Variants in BMPR2 observed in about 807,000 individuals in gnomAD.
The protein encoded by BMPR2 is bone morphogenetic protein receptor type 2.
In BMPR2, 29 loss-of-function variants were observed where a neutral mutation model predicts 100.8. That is an observed-to-expected ratio of 0.29 (90% CI 0.21 to 0.39). The LOEUF (loss-of-function observed/expected upper bound fraction) is 0.39, where lower values mean the gene tolerates loss of function less well. Ranked by LOEUF, BMPR2 falls within the 10% of genes least tolerant of loss-of-function variation. The probability of loss-of-function intolerance (pLI) is 1.00; values close to 1 mark genes in which losing one functional copy is unlikely to be tolerated. For synonymous variants in BMPR2, 382 were observed against 442.3 expected (o/e 0.86, Z 1.71); for missense variants, 1,011 against 1,274.5 (o/e 0.79, Z 3.15).
chr2:202,527,086 A>G (rs1226787842), intron 7 of BMPR2, among the ~76,000 whole-genome samples: 1 of 151,774 alleles, frequency 6.6e-6, no homozygotes, highest in Non-Finnish European at 1.5e-5. Context: ...GTGGTCTCAA[A>G]CTCCTGACCT....
At chr2:202,462,630 CTT>C (rs71952440) in intron 1 of BMPR2, among the ~76,000 whole-genome samples, 1 of 142,914 alleles carries the variant, frequency 7.0e-6, no homozygotes, top group Non-Finnish European at 1.5e-5. Flanking sequence ...CACCCCGTAC[CTT>C]TTTTTTTTTT....
At chr2:202,553,967 C>T (rs373950676) in intron 11 of BMPR2, among the ~76,000 whole-genome samples, 6 of 152,134 alleles carry the variant, frequency 3.9e-5, no homozygotes, top group East Asian at 1.9e-4. Flanking sequence ...GGATTATAGG[C>T]GACAGGTGTG....
At position 202,491,804 on chromosome 2, in the gene BMPR2, C is replaced by G. The variant is rs759660185; in HGVS notation, c.419-21915C>G. On this transcript the variant is annotated intron_variant, in intron 3 of 12. Transcript: ENST00000374580. Reference sequence around the variant, plus strand: ...GGATGTACAGCCTATTTGTCTGCTTCATTTAAAATTCTTCTCTTAGCAACA... The same window carrying G: ...GGATGTACAGCCTATTTGTCTGCTTGATTTAAAATTCTTCTCTTAGCAACA... 8.4e-4 allele frequency among the ~76,000 whole-genome samples: 128 copies of G among 152,270 alleles called. 1 individual carries two copies. The highest frequency in any genetic ancestry group is 1.3e-3 in the Non-Finnish European group (89 of 68,012).
chr2:202,392,271 A>G (rs1340227570), intron 1 of BMPR2, among the ~76,000 whole-genome samples: 1 of 151,578 alleles, frequency 6.6e-6, no homozygotes, highest in East Asian at 1.9e-4. Context: ...GGGTTTCACC[A>G]TGTTGTCCAG....
At chr2:202,427,645 T>C (rs1691416231) in intron 1 of BMPR2, among the ~76,000 whole-genome samples, 1 of 152,154 alleles carries the variant, frequency 6.6e-6, no homozygotes, top group Non-Finnish European at 1.5e-5. Context: ...ATTTCTCTAG[T>C]TAAGAATTGT....
At chr2:202,471,169 C>T (rs1021156992) in intron 3 of BMPR2, among the ~76,000 whole-genome samples, 2 of 152,154 alleles carry the variant, frequency 1.3e-5, no homozygotes, top group African/African-American at 4.8e-5. Context: ...AAATCTGGGT[C>T]AATTTGAGTG....
intron 3 of BMPR2, among the ~76,000 whole-genome samples, chr2:202,502,031 C>T (rs931713233): frequency 6.6e-6 from 1 of 152,228 alleles, no homozygotes; most frequent in Non-Finnish European, 1.5e-5. Context: ...AAGCAAGCCT[C>T]TTCCCCCAGG....
intron 1 of BMPR2, among the ~76,000 whole-genome samples, chr2:202,409,914 C>A (rs1690979572): frequency 6.6e-6 from 1 of 152,166 alleles, no homozygotes; most frequent in South Asian, 2.1e-4. Context: ...CTAACTCTCT[C>A]CACTGAGAGG....
chr2:202,388,399 A>G (rs998377260), intron 1 of BMPR2, among the ~76,000 whole-genome samples: 3 of 149,192 alleles, frequency 2.0e-5, no homozygotes, highest in Non-Finnish European at 4.5e-5. Context: ...TCCATCTCAA[A>G]AAAAAAAAAA....
At position 202,556,191 on chromosome 2, in the gene BMPR2, G is replaced by C; in HGVS notation, c.2526G>C (p.Arg842Ser). The C allele has an allele frequency of 6.2e-7, 1 of 1,611,462 alleles. No homozygotes were observed. Among genetic ancestry groups the C allele is most frequent in the South Asian group, 1.1e-5 (1 of 91,018 alleles). ...AAACAACCAACATAGTGACACATAG[G>C]GCCCAAGAAATGTTGCAGAATCAGT... ...SGQTTNIVTH[R>S]AQEMLQNQFI... The change falls in exon 12 of 13, where the codon AGG becomes AGC. Residue 842 changes from arginine to serine, a missense_variant. This residue lies in a region of BMPR2 where 508 missense variants were observed against 552.0 expected (regional missense o/e 0.92). Coordinates refer to ENST00000374580, the MANE Select transcript of BMPR2 (RefSeq NM_001204.7).
chr2:202,393,883 G>A (rs1421383589), intron 1 of BMPR2, among the ~76,000 whole-genome samples: 1 of 9,578 alleles, frequency 1.0e-4, no homozygotes. Context: ...ATGAGAGAGC[G>A]AGAGAGAGAG....
At position 202,514,900 on chromosome 2, in the gene BMPR2, A is replaced by G. The variant is rs1687686071; in HGVS notation, c.542A>G (p.Gln181Arg). The G allele has an allele frequency of 1.2e-6, 2 of 1,614,054 alleles. No individual in the cohort carries two copies. The highest frequency in any genetic ancestry group is 1.7e-6 in the Non-Finnish European group (2 of 1,179,926). Residue 181 changes from glutamine to arginine, a missense_variant, in exon 5 of 13, where the codon CAA becomes CGA. Transcript: ENST00000374580. ...GYRMLTGDRK[Q>R]GLHSMNMMEA... ...CCTGTTCTTATAGGAGACCGTAAAC[A>G]AGGTCTTCACAGTATGAACATGATG...
chr2:202,492,442 G>GT (rs778518610), intron 3 of BMPR2, among the ~76,000 whole-genome samples: 7 of 152,212 alleles, frequency 4.6e-5, no homozygotes, highest in Admixed American at 2.6e-4. Flanking sequence ...ACTCACGCTT[G>GT]TAATCCCAGC....
At chr2:202,530,084 A>C (rs577203002) in intron 7 of BMPR2, among the ~76,000 whole-genome samples, 15 of 152,296 alleles carry the variant, frequency 9.8e-5, no homozygotes, top group Non-Finnish European at 1.8e-4. Flanking sequence ...CTCTGTGCCA[A>C]GCCTTTTAAA....
chr2:202,391,711 G>C (rs888135049), intron 1 of BMPR2, among the ~76,000 whole-genome samples: 1 of 143,816 alleles, frequency 7.0e-6, no homozygotes, highest in Non-Finnish European at 1.5e-5. Context: ...TCAGCCCCCC[G>C]AGTAGCTGGG....
At chr2:202,389,799 G>A (rs1040712780) in intron 1 of BMPR2, among the ~76,000 whole-genome samples, 3 of 151,490 alleles carry the variant, frequency 2.0e-5, no homozygotes, top group African/African-American at 7.3e-5. Flanking sequence ...GTGCCACCAC[G>A]TCCGGCTAAT....
At chr2:202,429,916 G>A (rs1241970597) in intron 1 of BMPR2, among the ~76,000 whole-genome samples, 3 of 152,168 alleles carry the variant, frequency 2.0e-5, no homozygotes, top group Admixed American at 2.0e-4. Flanking sequence ...TGGGGATTAT[G>A]GGGATTACGA....
In BMPR2 at chr2:202,477,945, C is replaced by T. The variant is rs550569785; in HGVS notation, c.418+10256C>T. 7.9e-5 allele frequency among the ~76,000 whole-genome samples: 12 copies of T among 152,244 alleles called. No homozygotes were observed. In the East Asian group the frequency reaches 1.7e-3, roughly 22 times the overall value. On this transcript the variant is annotated intron_variant, in intron 3 of 12. Transcript: ENST00000374580. Reference sequence around the variant, plus strand: ...TGTTCCTGAATTCCGTTTTGCCCCCCTTTTACTTGCTAAAATGTATTTGTA... The same window carrying T: ...TGTTCCTGAATTCCGTTTTGCCCCCTTTTTACTTGCTAAAATGTATTTGTA...
intron 1 of BMPR2, among the ~76,000 whole-genome samples, chr2:202,426,170 C>T (rs981546739): frequency 1.3e-5 from 2 of 152,096 alleles, no homozygotes; most frequent in African/African-American, 4.8e-5. Context: ...TTTACTTAGG[C>T]CCTGAGTGAT....
Sources: allele counts gnomAD v4.1 joint callset (sites outside exome capture counted in the v4.1 genomes callset), GRCh38; gene constraint gnomAD v4.1.1; regional missense constraint gnomAD v4.1.1; transcripts MANE v1.5; gene names NCBI Gene and HGNC (gene_info 2026-07-23, HGNC 2026-07-21).